Variants in ITPK1 observed in about 807,000 individuals in gnomAD.
ITPK1 encodes inositol-tetrakisphosphate 1-kinase, also known as inositol 1,3,4-trisphosphate 5/6-kinase.
A neutral mutation model predicts 45.3 loss-of-function variants in ITPK1; 21 were observed. The observed-to-expected ratio is 0.46, with a 90% confidence interval of 0.33 to 0.67. ITPK1 has a LOEUF of 0.67. ITPK1 is among the 30% of genes least tolerant of loss of function. ITPK1 has a pLI of 0.02. For missense variants in ITPK1, 474 were observed against 573.5 expected (o/e 0.83, Z 1.77); for synonymous variants, 258 against 253.6 (o/e 1.02, Z -0.16).
At chr14:93,021,462 G>A (rs948195268) in intron 3 of ITPK1, among the ~76,000 whole-genome samples, 27 of 152,138 alleles carry the variant, frequency 1.8e-4, no homozygotes, top group African/African-American at 6.0e-4. Flanking sequence ...GTGTGGTGGT[G>A]TGCACCTGTA....
At chr14:93,078,526 C>T (rs972139871) in intron 2 of ITPK1, among the ~76,000 whole-genome samples, 1 of 152,190 alleles carries the variant, frequency 6.6e-6, no homozygotes, top group Non-Finnish European at 1.5e-5. Flanking sequence ...CTGGTTGAGG[C>T]ATTCAGGGAC....
intron 4 of ITPK1, among the ~76,000 whole-genome samples, chr14:92,995,533 C>T (rs1222927824): frequency 3.3e-5 from 5 of 152,234 alleles, no homozygotes; most frequent in Non-Finnish European, 7.3e-5. Flanking sequence ...GTATCTGGCC[C>T]TGGGCTCCTT....
intron 8 of ITPK1, among the ~76,000 whole-genome samples, chr14:92,953,716 A>G (rs955503403): frequency 6.6e-6 from 1 of 152,186 alleles, no homozygotes; most frequent in Non-Finnish European, 1.5e-5. Context: ...AGGAGCCGCA[A>G]GGAGAACACG....
intron 2 of ITPK1, among the ~76,000 whole-genome samples, chr14:93,100,691 C>T (rs558666325): frequency 1.3e-5 from 2 of 152,286 alleles, no homozygotes; most frequent in African/African-American, 4.8e-5. Context: ...TTACCGAACC[C>T]GCTCAGCACT....
chr14:92,958,349 G>A lies in ITPK1; in HGVS notation c.522C>T (p.Asn174=), dbSNP rs1351677762. Residue 174 remains asparagine, a synonymous_variant, in exon 8 of 11, where the codon AAC becomes AAT. Coordinates refer to ENST00000267615, the MANE Select transcript of ITPK1 (RefSeq NM_014216.6). The surrounding 1 kb of genome is among the most constrained non-coding windows in gnomAD (Gnocchi z 4.4). ...GCTGGATGGCGTTCAGGCCCTCCTG[G>A]TTGAACACGATAGCCATCTGGGAAG... ...TNSHEMAIVF[N]QEGLNAIQPP... The A allele has an allele frequency of 1.2e-6, 2 of 1,614,134 alleles. No individual in the cohort carries two copies. Among genetic ancestry groups the A allele is most frequent in the South Asian group, 2.2e-5 (2 of 91,078 alleles).
intron 10 of ITPK1, 152 bp downstream of exon 10, chr14:92,946,179 G>T: frequency 1.2e-6 from 1 of 851,982 alleles, no homozygotes; most frequent in Non-Finnish European, 1.9e-6. Context: ...TCGCGCAGGT[G>T]AGGCTGAGGC....
At chr14:93,017,684 A>G (rs1248497383) in intron 3 of ITPK1, among the ~76,000 whole-genome samples, 1 of 152,108 alleles carries the variant, frequency 6.6e-6, no homozygotes, top group African/African-American at 2.4e-5. Context: ...CTGACCCCCA[A>G]TCTGGCCTTA....
At chr14:93,094,699 A>C (rs941540) in intron 2 of ITPK1, among the ~76,000 whole-genome samples, 3 of 152,062 alleles carry the variant, frequency 2.0e-5, no homozygotes, top group African/African-American at 7.3e-5. Context: ...CTTGACGAGC[A>C]TGTGTCCACA....
intron 2 of ITPK1, among the ~76,000 whole-genome samples, chr14:93,107,078 G>A (rs572752512): frequency 7.0e-4 from 107 of 152,082 alleles, no homozygotes; most frequent in African/African-American, 2.4e-3. Flanking sequence ...CTGCCTCAGC[G>A]TCCCAAGTAG....
At position 92,977,209 on chromosome 14, in the gene ITPK1, G is replaced by A. The variant is rs139677859; in HGVS notation, c.365-14360C>T. Among the ~76,000 whole-genome samples the A allele has an allele frequency of 2.3e-3, 356 of 152,292 alleles. 2 individuals carry two copies. The highest frequency in any genetic ancestry group is 7.9e-3 in the African/African-American group (329 of 41,566). ...TCCCAACATCCTGTCCATCATTATC[G>A]TCATCATCATCACTGGTATTACTAT... On this transcript the variant is annotated intron_variant, in intron 5 of 10. Coordinates refer to ENST00000267615, the MANE Select transcript of ITPK1 (RefSeq NM_014216.6).
At chr14:93,080,129 A>G (rs1159607064) in intron 2 of ITPK1, among the ~76,000 whole-genome samples, 1 of 152,216 alleles carries the variant, frequency 6.6e-6, no homozygotes, top group African/African-American at 2.4e-5. Flanking sequence ...TTGCTGTGTG[A>G]AACAGGTAAG....
chr14:93,013,770 G>A (rs1050547875), intron 4 of ITPK1, among the ~76,000 whole-genome samples: 4 of 152,166 alleles, frequency 2.6e-5, no homozygotes, highest in Non-Finnish European at 5.9e-5. Context: ...TTAATGTCTA[G>A]AGAATAAAAT....
chr14:92,965,865 T>C (rs1048497542), intron 5 of ITPK1, among the ~76,000 whole-genome samples: 3 of 152,050 alleles, frequency 2.0e-5, no homozygotes, highest in Non-Finnish European at 2.9e-5. Context: ...TAGCCAGGCG[T>C]GGTGGTGCAC....
chr14:93,056,089 T>C (rs1156442823), intron 3 of ITPK1, among the ~76,000 whole-genome samples: 7 of 151,836 alleles, frequency 4.6e-5, no homozygotes, highest in African/African-American at 1.5e-4. Flanking sequence ...GTCTCAAGAG[T>C]TGCCTCTTCC....
In ITPK1 at chr14:92,962,348, C is replaced by T; in HGVS notation, c.504+7G>A. ...CAGGGACAACAGTCAGATCTTCTTC[C>T]ACTCACCTCGTGAGAGTTGGTGCCA... On this transcript the variant is annotated splice_region_variant and intron_variant, in intron 7 of 10. Coordinates refer to ENST00000267615, the MANE Select transcript of ITPK1 (RefSeq NM_014216.6). 1 of 1,601,426 alleles carries T rather than the reference C, an allele frequency of 6.2e-7. No individual in the cohort carries two copies. The highest frequency in any genetic ancestry group is 8.6e-7 in the Non-Finnish European group (1 of 1,168,402).
At chr14:93,071,472 A>G (rs867547527) in intron 3 of ITPK1, 7 of 152,252 alleles carry the variant, frequency 4.6e-5, no homozygotes, top group East Asian at 1.9e-4. Context: ...TTAAAACTAC[A>G]TATCTATTTG....
Position 92,958,188 on chromosome 14 carries a change from G to A in ITPK1, c.670+13C>T, listed in dbSNP as rs567934383. 9.3e-6 allele frequency: 15 copies of A among 1,613,734 alleles called. No individual in the cohort carries two copies. The African/African-American group carries it at 1.1e-4, about 11-fold the overall frequency. ...AGTCTTGCTCAGCCCAAGATGGTGAGAAGAGCAGTTACCTGATGTGCCTGC... is the reference window on the plus strand; with the variant it reads ...AGTCTTGCTCAGCCCAAGATGGTGAAAAGAGCAGTTACCTGATGTGCCTGC... On this transcript the variant is annotated intron_variant, in intron 8 of 10. Coordinates refer to ENST00000267615, the MANE Select transcript of ITPK1 (RefSeq NM_014216.6). This position sits in a 1 kb window ranked among gnomAD's most constrained non-coding sequence, Gnocchi z 4.4.
At chr14:92,980,958 T>C (rs1886198551) in intron 5 of ITPK1, among the ~76,000 whole-genome samples, 1 of 152,334 alleles carries the variant, frequency 6.6e-6, no homozygotes, top group African/African-American at 2.4e-5. Context: ...TCCACCCACC[T>C]TGGCCTCCCA....
chr14:93,038,532 T>G (rs1411627772), intron 3 of ITPK1, among the ~76,000 whole-genome samples: 12 of 152,092 alleles, frequency 7.9e-5, no homozygotes, highest in Non-Finnish European at 1.6e-4. Flanking sequence ...TTTTTGTTTG[T>G]TTGTTTGTTT....
Sources: gnomAD v4.1 joint callset for allele counts (sites outside exome capture counted in the v4.1 genomes callset) on GRCh38, gnomAD v4.1.1 for gene constraint, Gnocchi (gnomAD v3.1) non-coding constraint, MANE v1.5 for transcripts, NCBI Gene and HGNC (gene_info 2026-07-23, HGNC 2026-07-21) for gene names.